The following MLST8 variants were observed in gnomAD, a reference collection of about 807,000 sequenced individuals.
MLST8 encodes target of rapamycin complex subunit LST8.
A neutral mutation model predicts 41.3 loss-of-function variants in MLST8; 20 were observed. That is an observed-to-expected ratio of 0.48 (90% CI 0.34 to 0.70). The LOEUF is 0.70. MLST8 is among the 30% of genes least tolerant of loss of function. The probability of loss-of-function intolerance (pLI) is 0.01; values close to 1 mark genes in which losing one functional copy is unlikely to be tolerated. For missense variants in MLST8, 422 were observed against 454.3 expected (o/e 0.93, Z 0.65); for synonymous variants, 243 against 183.0 (o/e 1.33, Z -2.65).
intron 4 of MLST8, 86 bp from the exon 5 acceptor site, chr16:2,206,949 G>A (rs2093303168): frequency 2.6e-6 from 4 of 1,512,928 alleles, no homozygotes; most frequent in Non-Finnish European, 3.7e-6. Flanking sequence ...TCAGCAGAGG[G>A]AGGGGAGGAA....
Position 2,208,706 on chromosome 16 carries a change from C to A in MLST8, c.863-53C>A, listed in dbSNP as rs753011668. On this transcript the variant is annotated intron_variant, in intron 8 of 8. Coordinates refer to ENST00000569417, the MANE Select transcript of MLST8 (RefSeq NM_022372.6). ...GCTGCAGCTTCCCCTCTGCTGGGGC[C>A]GCCTGCTTGGCCTGCACCTGCGCTC... 6.8e-6 allele frequency: 11 copies of A among 1,613,210 alleles called. No individual in the cohort carries two copies. In the South Asian group the frequency reaches 1.2e-4, roughly 18 times the overall value.
Position 2,207,297 on chromosome 16 carries a change from C to T in MLST8, c.525C>T (p.Ser175=), listed in dbSNP as rs201296603. The part of the protein sequence containing the change: ...LIPEPEVSIT[S]AHIDPDASYM... ...CTGAGCCCGAGGTCTCCATCACGTCCGCCCACATCGATCCCGACGCCAGCT... is the reference window on the plus strand; with the variant it reads ...CTGAGCCCGAGGTCTCCATCACGTCTGCCCACATCGATCCCGACGCCAGCT... Residue 175 remains serine, a synonymous_variant, in exon 6 of 9, where the codon TCC becomes TCT. Transcript: ENST00000569417. 91 of 1,614,164 alleles carry T rather than the reference C, an allele frequency of 5.6e-5. No homozygotes were observed. Among genetic ancestry groups the T allele is most frequent in the African/African-American group, 3.5e-4 (26 of 75,054 alleles).
At chr16:2,207,705 A>G in intron 6 of MLST8, 1 of 331,562 alleles carries the variant, frequency 3.0e-6, no homozygotes, top group South Asian at 3.7e-5. Context: ...TCTCTCTTGG[A>G]TGCTTCTAGT....
intron 1 of MLST8, 99 bp from the exon 2 acceptor site, chr16:2,205,931 TA>T: frequency 6.9e-7 from 1 of 1,445,024 alleles, no homozygotes; most frequent in Non-Finnish European, 9.1e-7. Context: ...GTCCCAACTC[TA>T]AAATGGGAAT....
At position 2,209,161 on chromosome 16, in the gene MLST8, T is replaced by C; in HGVS notation, c.*284T>C. ...GAGGGCCCAAAGCTGCTGAGGGGTC[T>C]GAGGCTGGTGCCCACCCCCAAGCTA... On this transcript the variant is annotated 3_prime_UTR_variant, in exon 9 of 9. Coordinates refer to ENST00000569417, the MANE Select transcript of MLST8 (RefSeq NM_022372.6). The C allele has an allele frequency of 4.6e-6, 3 of 651,270 alleles. No homozygotes were observed. The highest frequency in any genetic ancestry group is 7.9e-6 in the Non-Finnish European group (3 of 382,116). 40.3% of individuals were successfully genotyped at this position (651,270 alleles called of 1,614,324 possible). A position where few individuals can be genotyped will look rare whatever the true frequency, so the allele number is the denominator to read the frequency against.
rs202083987 is a variant in MLST8, at chr16:2,208,326, C to T, written c.690C>T (p.Pro230=). 31 of 1,606,820 alleles carry T rather than the reference C, an allele frequency of 1.9e-5. No homozygotes were observed. Among genetic ancestry groups the T allele is most frequent in the Middle Eastern group, 3.3e-4 (2 of 6,060 alleles). The stretch of plus-strand genomic sequence containing the variant: ...ACGCCCTGCAGTGTCGCTTCAGCCC[C>T]GACTCCACGTGCGTGCAGGGCCTGC... ...TRYALQCRFS[P]DSTLLATCSA... is the part of the protein sequence containing the mutation. The change falls in exon 7 of 9, where the codon CCC becomes CCT. Residue 230 remains proline (P), a synonymous_variant. Coordinates refer to ENST00000569417, the MANE Select transcript of MLST8 (RefSeq NM_022372.6).
intron 1 of MLST8, 33 bp from the exon 2 acceptor site, chr16:2,205,998 T>G: frequency 6.6e-7 from 1 of 1,504,210 alleles, no homozygotes; most frequent in Non-Finnish European, 8.9e-7. Context: ...GCACAGAGAG[T>G]GTCTTCTAAG....
Position 2,207,069 on chromosome 16 carries a change from G to A in MLST8, c.379G>A (p.Val127Met), listed in dbSNP as rs374173728. The A allele has an allele frequency of 1.2e-6, 2 of 1,613,744 alleles. No homozygotes were observed. The highest frequency in any genetic ancestry group is 1.1e-5 in the South Asian group (1 of 91,090). The stretch of plus-strand genomic sequence containing the variant: ...CCTGCAGTGCCAGCGGATCTTCCAG[G>A]TGAACGCACCCATTAACTGCGTGTG... ...RNLQCQRIFQ[V>M]NAPINCVCLH... Residue 127 changes from valine (V) to methionine (M), a missense_variant, in exon 5 of 9, where the codon GTG becomes ATG. Transcript: ENST00000569417.
chr16:2,208,518 C>G lies in MLST8; in HGVS notation c.767C>G (p.Thr256Arg), dbSNP rs755883886. Reference sequence around the variant, plus strand: ...AGGACGTCCAACTTCTCCCTGATGACGGAGCTGAGCATCAAGAGCGGCAAC... The same window carrying G: ...AGGACGTCCAACTTCTCCCTGATGAGGGAGCTGAGCATCAAGAGCGGCAAC... ...IWRTSNFSLM[T>R]ELSIKSGNPG... Residue 256 changes from threonine to arginine, a missense_variant, in exon 8 of 9, where the codon ACG (threonine) becomes AGG (arginine). Thr to Arg is a moderately conservative substitution (Grantham distance 71). Coordinates refer to ENST00000569417, the MANE Select transcript of MLST8 (RefSeq NM_022372.6). 1 of 1,613,190 alleles carries G rather than the reference C, an allele frequency of 6.2e-7. No individual in the cohort carries two copies. The highest frequency in any genetic ancestry group is 1.1e-5 in the South Asian group (1 of 91,094).
At chr16:2,208,637 C>G (rs373582655) in intron 8 of MLST8, 24 bp downstream of exon 8, 2 of 1,611,892 alleles carry the variant, frequency 1.2e-6, no homozygotes, top group East Asian at 2.2e-5. Flanking sequence ...TGGCCTCCCC[C>G]ATCCCTGGCC....
Position 2,209,008 on chromosome 16 carries a change from A to G in MLST8, c.*131A>G, listed in dbSNP as rs1164230148. The G allele has an allele frequency of 1.4e-5, 14 of 1,007,512 alleles. No homozygotes were observed. The highest frequency in any genetic ancestry group is 2.1e-5 in the Non-Finnish European group (14 of 665,766). 62.4% of individuals were successfully genotyped at this position (1,007,512 alleles called of 1,614,324 possible). A position where few individuals can be genotyped will look rare whatever the true frequency, so the allele number is the denominator to read the frequency against. ...CCTGATGGCCCCCTGTGGCGCCTTG[A>G]CCTGCTGGGCCAGGCTGCCCTGGGA... On this transcript the variant is annotated 3_prime_UTR_variant, in exon 9 of 9. Transcript: ENST00000569417.
At chr16:2,205,814 C>A (rs544065430) in intron 1 of MLST8, 1 of 1,118,220 alleles carries the variant, frequency 8.9e-7, no homozygotes. Context: ...GGGGGGGGGA[C>A]GGCGCCCCCG....
At position 2,208,693 on chromosome 16, in the gene MLST8, C is replaced by T. The variant is rs1399352633; in HGVS notation, c.863-66C>T. 4.3e-6 allele frequency: 7 copies of T among 1,613,022 alleles called. No homozygotes were observed. The Admixed American group carries it at 5.0e-5, about 12-fold the overall frequency. On this transcript the variant is annotated intron_variant, in intron 8 of 8. Coordinates refer to ENST00000569417, the MANE Select transcript of MLST8 (RefSeq NM_022372.6). ...CCAGCCCACCTCGGCTGCAGCTTCC[C>T]CTCTGCTGGGGCCGCCTGCTTGGCC...
rs1312415087 is a variant in MLST8, at chr16:2,209,156, G to A, written c.*279G>A. Reference sequence around the variant, plus strand: ...CGGCCGAGGGCCCAAAGCTGCTGAGGGGTCTGAGGCTGGTGCCCACCCCCA... The same window carrying A: ...CGGCCGAGGGCCCAAAGCTGCTGAGAGGTCTGAGGCTGGTGCCCACCCCCA... On this transcript the variant is annotated 3_prime_UTR_variant, in exon 9 of 9. Transcript: ENST00000569417. 1.6e-6 allele frequency: 1 copy of A among 645,150 alleles called. No individual in the cohort carries two copies. Among genetic ancestry groups the A allele is most frequent in the African/African-American group, 1.8e-5 (1 of 54,666 alleles). The allele number at this position is 645,150 out of a possible 1,614,324, so 40.0% of individuals were successfully genotyped here. A position where few individuals can be genotyped will look rare whatever the true frequency, so the allele number is the denominator to read the frequency against.
In MLST8 at chr16:2,208,495, G is replaced by C; in HGVS notation, c.744G>C (p.Arg248Ser). 6.2e-7 allele frequency: 1 copy of C among 1,613,370 alleles called. No individual in the cohort carries two copies. Among genetic ancestry groups the C allele is most frequent in the Non-Finnish European group, 8.5e-7 (1 of 1,179,926 alleles). The change falls in exon 8 of 9, where the codon AGG becomes AGC. Residue 248 changes from arginine to serine, a missense_variant. Transcript: ENST00000569417. ...CSADQTCKIW[R>S]TSNFSLMTEL... is the part of the protein sequence containing the mutation. The stretch of plus-strand genomic sequence containing the variant: ...CTGATCAGACGTGCAAGATCTGGAG[G>C]ACGTCCAACTTCTCCCTGATGACGG...
In MLST8 at chr16:2,206,334, C is replaced by T. The variant is rs767323199; in HGVS notation, c.130-24C>T. 4.3e-6 allele frequency: 7 copies of T among 1,613,196 alleles called. No homozygotes were observed. In the East Asian group the frequency reaches 6.7e-5, roughly 15 times the overall value. ...GGCCCTGGCCTCAGGGCTACCTTCC[C>T]GTCATCCTCCTTAACAGTCCCAGCA... is the stretch of plus-strand genomic sequence containing the variant. On this transcript the variant is annotated intron_variant, in intron 2 of 8. Transcript: ENST00000569417.
In MLST8 at chr16:2,209,433, A is replaced by C; in HGVS notation, c.*556A>C. 6.2e-7 allele frequency: 1 copy of C among 1,613,742 alleles called. No homozygotes were observed. The highest frequency in any genetic ancestry group is 8.5e-7 in the Non-Finnish European group (1 of 1,179,982). On this transcript the variant is annotated 3_prime_UTR_variant, in exon 9 of 9. Transcript: ENST00000569417. ...GGGAAGCAGATGTCGATGCAGAGAT[A>C]AATCAGCCGCTGTCTCCGGGGCCCT...
chr16:2,207,515 T>G, intron 6 of MLST8, 170 bp downstream of exon 6: 1 of 774,624 alleles, frequency 1.3e-6, no homozygotes, highest in Non-Finnish European at 2.0e-6. Context: ...TCGCTCCCGA[T>G]GGCTTAGTCC....
Position 2,206,034 on chromosome 16 carries a change from C to T in MLST8, c.-52C>T. 2 of 1,511,796 alleles carry T rather than the reference C, an allele frequency of 1.3e-6. No homozygotes were observed. Among genetic ancestry groups the T allele is most frequent in the Non-Finnish European group, 1.8e-6 (2 of 1,124,484 alleles). The allele number at this position is 1,511,796 out of a possible 1,614,324, so 93.6% of individuals were successfully genotyped here. A position where few individuals can be genotyped will look rare whatever the true frequency, so the allele number is the denominator to read the frequency against. ...TACTTCACATCCTTCTCTGCAGATG[C>T]TCTGACCTTTGACCCCTGCCGTTCA... On this transcript the variant is annotated 5_prime_UTR_variant, in exon 2 of 9. Coordinates refer to ENST00000569417, the MANE Select transcript of MLST8 (RefSeq NM_022372.6).
Sources: allele counts gnomAD v4.1 joint callset, GRCh38; gene constraint gnomAD v4.1.1; transcripts MANE v1.5; gene names NCBI Gene and HGNC (gene_info 2026-07-23, HGNC 2026-07-21).